Variants in PCBP3 observed in about 807,000 individuals in gnomAD.
The protein encoded by PCBP3 is poly(rC) binding protein 3.
A neutral mutation model predicts 52.7 loss-of-function variants in PCBP3; 25 were observed. The observed-to-expected ratio is 0.47, with a 90% CI of 0.35 to 0.66. The LOEUF is 0.66. PCBP3 is among the 30% of genes least tolerant of loss of function. The pLI is 0.01. For missense variants in PCBP3, 391 were observed against 490.3 expected (o/e 0.80, Z 1.91); for synonymous variants, 162 against 183.0 (o/e 0.89, Z 0.93).
At chr21:45,676,167 A>G (rs1212706679) in intron 2 of PCBP3, among the ~76,000 whole-genome samples, 1 of 152,202 alleles carries the variant, frequency 6.6e-6, no homozygotes, top group Non-Finnish European at 1.5e-5. Context: ...GGTTATTCAG[A>G]CTTGTATTTT....
chr21:45,784,631 T>C (rs1469475905), intron 4 of PCBP3, among the ~76,000 whole-genome samples: 1 of 152,230 alleles, frequency 6.6e-6, no homozygotes, highest in Non-Finnish European at 1.5e-5. Context: ...TGACTGGTTT[T>C]CGTATTTTTT....
chr21:45,838,409 A>G (rs1178067937), intron 4 of PCBP3, among the ~76,000 whole-genome samples: 2 of 152,154 alleles, frequency 1.3e-5, no homozygotes, highest in Non-Finnish European at 2.9e-5. Flanking sequence ...TAATAATAAT[A>G]ATAATAATAC....
intron 6 of PCBP3, among the ~76,000 whole-genome samples, chr21:45,898,640 C>T (rs920390092): frequency 1.2e-5 from 1 of 81,716 alleles, no homozygotes; most frequent in African/African-American, 4.0e-5. Context: ...TCTCCCTCCA[C>T]GGGCCCCTCT....
At chr21:45,838,876 G>A (rs1024967050) in intron 4 of PCBP3, among the ~76,000 whole-genome samples, 22 of 152,130 alleles carry the variant, frequency 1.4e-4, no homozygotes, top group South Asian at 6.2e-4. Context: ...ATTTGATTAT[G>A]TAAAATACAA....
chr21:45,748,245 T>C (rs1405759560), intron 3 of PCBP3: 2 of 152,836 alleles, frequency 1.3e-5, no homozygotes, highest in Non-Finnish European at 2.9e-5. Flanking sequence ...GTGAGCTGCG[T>C]CCATCCCAGT....
intron 4 of PCBP3, among the ~76,000 whole-genome samples, chr21:45,840,218 C>T (rs2093670456): frequency 1.3e-5 from 2 of 151,262 alleles, no homozygotes; most frequent in South Asian, 2.1e-4. Flanking sequence ...TTTGGGAGGC[C>T]GAGGTGGGCA....
At chr21:45,875,203 C>T (rs1272489824) in intron 5 of PCBP3, among the ~76,000 whole-genome samples, 1 of 151,726 alleles carries the variant, frequency 6.6e-6, no homozygotes, top group Non-Finnish European at 1.5e-5. Context: ...CCCTTCCACG[C>T]GGCGCGCTCC....
chr21:45,677,769 C>T (rs2081561698), intron 2 of PCBP3, among the ~76,000 whole-genome samples: 1 of 152,206 alleles, frequency 6.6e-6, no homozygotes, highest in African/African-American at 2.4e-5. Flanking sequence ...GCTAAATCTA[C>T]TCGGCCTGTG....
chr21:45,694,255 G>A (rs1389932883), intron 2 of PCBP3, among the ~76,000 whole-genome samples: 1 of 152,136 alleles, frequency 6.6e-6, no homozygotes, highest in Non-Finnish European at 1.5e-5. Context: ...CAAATTGAAT[G>A]CAAATAGATT....
rs916411790 is a variant in PCBP3 at position 45,802,274 on chromosome 21, G to T, written c.-126+46822G>T. Among the ~76,000 whole-genome samples the T allele has an allele frequency of 9.9e-5, 15 of 152,184 alleles. No individual in the cohort carries two copies. The highest frequency in any genetic ancestry group is 3.6e-4 in the African/African-American group (15 of 41,444). ...ACAGCTGGGTGCTGGGGCTGGGGGTGAGCTAGCTGTCCGGCCCCTGCGTCA... is the reference window on the plus strand; with the variant it reads ...ACAGCTGGGTGCTGGGGCTGGGGGTTAGCTAGCTGTCCGGCCCCTGCGTCA... On this transcript the variant is annotated intron_variant, in intron 4 of 17. Coordinates refer to ENST00000681687, the MANE Select transcript of PCBP3 (RefSeq NM_001384156.1). This position sits in a 1 kb window ranked among gnomAD's most constrained non-coding sequence, Gnocchi z 5.1.
At chr21:45,784,161 G>A (rs1194353646) in intron 4 of PCBP3, among the ~76,000 whole-genome samples, 1 of 152,150 alleles carries the variant, frequency 6.6e-6, no homozygotes, top group Non-Finnish European at 1.5e-5. Flanking sequence ...AATAAAAAAT[G>A]TACAATATTT....
intron 9 of PCBP3, among the ~76,000 whole-genome samples, chr21:45,903,890 C>CT (rs1364180363): frequency 1.3e-5 from 2 of 152,074 alleles, no homozygotes; most frequent in African/African-American, 4.8e-5. Flanking sequence ...GTGTGGGAGT[C>CT]TTTTTCTAGT....
In PCBP3 at chr21:45,784,423, T is replaced by C. The variant is rs1268281762; in HGVS notation, c.-126+28971T>C. Among the ~76,000 whole-genome samples, 264 of 81,452 alleles carry C rather than the reference T, an allele frequency of 3.2e-3. 1 individual carries two copies. Among genetic ancestry groups the C allele is most frequent in the African/African-American group, 0.014 (257 of 18,732 alleles). The allele number at this position is 81,452 out of a possible 152,430, so 53.4% of individuals were successfully genotyped here. On this transcript the variant is annotated intron_variant, in intron 4 of 17. Transcript: ENST00000681687. ...CTACCTCTACCGCTACCGCTACCCC[T>C]ACCTCCTACCTCCTACCTCCTACCT...
intron 4 of PCBP3, among the ~76,000 whole-genome samples, chr21:45,770,068 C>T (rs537286863): frequency 4.6e-5 from 7 of 152,324 alleles, no homozygotes; most frequent in Admixed American, 6.5e-5. Flanking sequence ...GGGGGGTTGG[C>T]AGGTGGCGGC....
At chr21:45,898,052 G>A (rs2095876760) in intron 6 of PCBP3, among the ~76,000 whole-genome samples, 1 of 152,118 alleles carries the variant, frequency 6.6e-6, no homozygotes, top group South Asian at 2.1e-4. Flanking sequence ...CCAGGGGAAG[G>A]TGGTGGTGCC....
At chr21:45,657,432 C>T (rs991620189) in intron 1 of PCBP3, among the ~76,000 whole-genome samples, 4 of 152,166 alleles carry the variant, frequency 2.6e-5, no homozygotes, top group African/African-American at 9.7e-5. Flanking sequence ...ATGGCCTTAG[C>T]ACTTCTGTCA....
chr21:45,717,513 T>C lies in PCBP3; in HGVS notation c.-199-17879T>C, dbSNP rs13433434. On this transcript the variant is annotated intron_variant, in intron 2 of 17. Transcript: ENST00000681687. ...TTAAGTTAATAAAGCTTCCTTTTATTCCTAGTTTTTTTGAGTGTTTTTATC... is the reference window on the plus strand; with the variant it reads ...TTAAGTTAATAAAGCTTCCTTTTATCCCTAGTTTTTTTGAGTGTTTTTATC... Among the ~76,000 whole-genome samples the C allele has an allele frequency of 3.3e-3, 500 of 152,298 alleles. 1 individual carries two copies. Among genetic ancestry groups the C allele is most frequent in the African/African-American group, 0.011 (472 of 41,570 alleles).
Position 45,829,728 on chromosome 21 carries a change from G to C in PCBP3, c.-125-20233G>C, listed in dbSNP as rs79879296. 801 of 152,450 alleles carry C rather than the reference G, an allele frequency of 5.3e-3. 4 individuals carry two copies. Among genetic ancestry groups the C allele is most frequent in the African/African-American group, 0.018 (749 of 41,574 alleles). The allele number at this position is 152,450 out of a possible 1,614,324, so 9.4% of individuals were successfully genotyped here. ...ACCCGGTGCGAAGGGAATCCCCGCTGTTCCTCCACAGGCTGCCCAGGCACC... is the reference window on the plus strand; with the variant it reads ...ACCCGGTGCGAAGGGAATCCCCGCTCTTCCTCCACAGGCTGCCCAGGCACC... On this transcript the variant is annotated intron_variant, in intron 4 of 17. Coordinates refer to ENST00000681687, the MANE Select transcript of PCBP3 (RefSeq NM_001384156.1). The surrounding 1 kb of genome is among the most constrained non-coding windows in gnomAD (Gnocchi z 5.2).
chr21:45,677,188 G>A (rs949810479), intron 2 of PCBP3, among the ~76,000 whole-genome samples: 2 of 152,208 alleles, frequency 1.3e-5, no homozygotes, highest in African/African-American at 4.8e-5. Context: ...TGGAAAGGAA[G>A]TTCTTGAAGT....
Sources: allele counts gnomAD v4.1 joint callset (sites outside exome capture counted in the v4.1 genomes callset), GRCh38; gene constraint gnomAD v4.1.1; non-coding constraint Gnocchi (gnomAD v3.1); transcripts MANE v1.5; gene names NCBI Gene and HGNC (gene_info 2026-07-23, HGNC 2026-07-21).